Variants in MEF2A observed in about 807,000 individuals in gnomAD.
MEF2A encodes myocyte enhancer factor 2A, also known as myocyte-specific enhancer factor 2A.
In MEF2A, 28 loss-of-function variants were observed where a neutral mutation model predicts 55.8. That is an observed-to-expected ratio of 0.50 (90% CI 0.37 to 0.69). The LOEUF (loss-of-function observed/expected upper bound fraction) is 0.69, where lower values mean the gene tolerates loss of function less well. Ranked by LOEUF, MEF2A falls within the 30% of genes least tolerant of loss-of-function variation. MEF2A has a pLI of 0.00. For missense variants in MEF2A, 528 were observed against 626.2 expected (o/e 0.84, Z 1.67); for synonymous variants, 239 against 227.1 (o/e 1.05, Z -0.47).
chr15:99,566,957 T>G (rs968671808), intron 1 of MEF2A, among the ~76,000 whole-genome samples: 3 of 152,252 alleles, frequency 2.0e-5, no homozygotes, highest in African/African-American at 7.2e-5. Flanking sequence ...GAAACTTTGC[T>G]TTTTGGCTCG....
intron 4 of MEF2A, among the ~76,000 whole-genome samples, chr15:99,647,727 T>C (rs1596774193): frequency 6.6e-6 from 1 of 152,332 alleles, no homozygotes; most frequent in South Asian, 2.1e-4. Context: ...GTTTTCTTTT[T>C]AATTGCATTT....
intron 1 of MEF2A, among the ~76,000 whole-genome samples, chr15:99,580,685 A>G (rs976612527): frequency 6.6e-6 from 1 of 152,244 alleles, no homozygotes; most frequent in Non-Finnish European, 1.5e-5. Context: ...GTTTTATTAT[A>G]TGAAGGAGTT....
intron 10 of MEF2A, among the ~76,000 whole-genome samples, chr15:99,707,443 G>A (rs2058159868): frequency 6.6e-6 from 1 of 152,156 alleles, no homozygotes; most frequent in Non-Finnish European, 1.5e-5. Context: ...TTTGAGGGGA[G>A]CTTTTCCTTC....
chr15:99,565,472 G>GT (rs1188328411), upstream of MEF2A: 4 of 150,064 alleles, frequency 2.7e-5, no homozygotes, highest in Non-Finnish European at 5.9e-5. Flanking sequence ...CCGGGGGCTG[G>GT]TCAGGGAGGT....
At chr15:99,626,795 A>G (rs2042118262) in intron 2 of MEF2A, among the ~76,000 whole-genome samples, 1 of 152,174 alleles carries the variant, frequency 6.6e-6, no homozygotes, top group South Asian at 2.1e-4. Flanking sequence ...TTTGCTTATT[A>G]TTTTCTACAT....
At chr15:99,581,530 G>A (rs933615231) in intron 1 of MEF2A, among the ~76,000 whole-genome samples, 1 of 151,424 alleles carries the variant, frequency 6.6e-6, no homozygotes, top group African/African-American at 2.4e-5. Flanking sequence ...GACCTCCCGT[G>A]TTTTTCTTTC....
At chr15:99,632,741 A>G (rs1381350585) in intron 2 of MEF2A, among the ~76,000 whole-genome samples, 1 of 152,200 alleles carries the variant, frequency 6.6e-6, no homozygotes, top group African/African-American at 2.4e-5. Context: ...ATACATTGAG[A>G]AAACCTCAAA....
At chr15:99,690,672 G>A (rs1212202399) in intron 8 of MEF2A, 6 of 591,066 alleles carry the variant, frequency 1.0e-5, no homozygotes, top group Non-Finnish European at 1.9e-5. Context: ...TGGAACTGGA[G>A]GTTATTGTGT....
At chr15:99,568,309 A>G (rs1397461782) in intron 1 of MEF2A, among the ~76,000 whole-genome samples, 1 of 152,160 alleles carries the variant, frequency 6.6e-6, no homozygotes, top group Non-Finnish European at 1.5e-5. Context: ...TTGTTTTCAT[A>G]TGGGTATGTG....
chr15:99,627,622 A>G (rs2042261553), intron 2 of MEF2A, among the ~76,000 whole-genome samples: 1 of 152,162 alleles, frequency 6.6e-6, no homozygotes, highest in African/African-American at 2.4e-5. Context: ...TTCCAAGTAT[A>G]GTTTGTAGAA....
intron 1 of MEF2A, among the ~76,000 whole-genome samples, chr15:99,576,736 G>C (rs1964407279): frequency 6.6e-6 from 1 of 151,636 alleles, no homozygotes; most frequent in Admixed American, 6.6e-5. Flanking sequence ...CGCCTCCCAG[G>C]TTCACGCCAT....
At chr15:99,631,528 A>C (rs2042940346) in intron 2 of MEF2A, among the ~76,000 whole-genome samples, 1 of 152,196 alleles carries the variant, frequency 6.6e-6, no homozygotes, top group African/African-American at 2.4e-5. Flanking sequence ...TGAACCATAA[A>C]TTTAATTCAG....
At chr15:99,594,459 C>CTTT (rs67846200) in intron 1 of MEF2A, among the ~76,000 whole-genome samples, 17 of 124,264 alleles carry the variant, frequency 1.4e-4, no homozygotes, top group African/African-American at 4.9e-4. Flanking sequence ...TCCTTTCTTT[C>CTTT]TTTTTTTTTT....
intron 8 of MEF2A, among the ~76,000 whole-genome samples, chr15:99,700,453 A>G (rs944508547): frequency 4.4e-4 from 67 of 151,994 alleles, no homozygotes; most frequent in African/African-American, 1.6e-3. Flanking sequence ...TCGAGGCTGC[A>G]GTGGCCTATG....
intron 8 of MEF2A, among the ~76,000 whole-genome samples, chr15:99,696,442 A>C (rs765958339): frequency 1.8e-4 from 28 of 152,196 alleles, no homozygotes; most frequent in African/African-American, 2.7e-4. Context: ...GAAATCAGTA[A>C]CAGAAAGGTA....
intron 1 of MEF2A, among the ~76,000 whole-genome samples, chr15:99,587,753 A>G (rs1364449082): frequency 6.6e-6 from 1 of 152,234 alleles, no homozygotes; most frequent in African/African-American, 2.4e-5. Flanking sequence ...ACAAATATGT[A>G]GAAATACAGT....
intron 4 of MEF2A, among the ~76,000 whole-genome samples, chr15:99,659,950 C>G (rs1481909962): frequency 6.6e-6 from 1 of 152,154 alleles, no homozygotes; most frequent in Non-Finnish European, 1.5e-5. Context: ...GTCCAGATGG[C>G]TGCATAAGAA....
intron 4 of MEF2A, among the ~76,000 whole-genome samples, chr15:99,654,580 A>C (rs940503382): frequency 7.4e-6 from 1 of 135,676 alleles, no homozygotes; most frequent in Non-Finnish European, 1.6e-5. Flanking sequence ...ATTAAAAAAA[A>C]AGGGGGGGGT....
At position 99,653,564 on chromosome 15, in the gene MEF2A, A is replaced by G. The variant is rs143498572; in HGVS notation, c.258+7800A>G. Reference sequence around the variant, plus strand: ...GATTTTCAAATTTCTAACGTGTTTCACTGATTGTGTATGCTAAGGGTATTT... The same window carrying G: ...GATTTTCAAATTTCTAACGTGTTTCGCTGATTGTGTATGCTAAGGGTATTT... On this transcript the variant is annotated intron_variant, in intron 4 of 11. Coordinates refer to ENST00000557942, the MANE Select transcript of MEF2A (RefSeq NM_001319206.4). Among the ~76,000 whole-genome samples the G allele has an allele frequency of 3.7e-3, 565 of 152,272 alleles. 4 individuals carry two copies. The highest frequency in any genetic ancestry group is 0.013 in the African/African-American group (531 of 41,562).
Sources: gnomAD v4.1 joint callset for allele counts (sites outside exome capture counted in the v4.1 genomes callset) on GRCh38, gnomAD v4.1.1 for gene constraint, MANE v1.5 for transcripts, NCBI Gene and HGNC (gene_info 2026-07-23, HGNC 2026-07-21) for gene names.